The following CIITA variants were observed in gnomAD, a reference collection of about 807,000 sequenced individuals.
CIITA encodes the protein class II major histocompatibility complex transactivator, also known as MHC class II transactivator.
Under a neutral mutation model 115.1 loss-of-function variants are expected in CIITA, and 72 were observed. The ratio of observed to expected loss-of-function variants is 0.63; its 90% confidence interval spans 0.52 to 0.76. The LOEUF is 0.76. CIITA is among the 30% of genes least tolerant of loss of function. The pLI is 0.00. For missense variants in CIITA, 1,617 were observed against 1,463.8 expected, an observed-to-expected ratio of 1.10 and a Z score of -1.71; for synonymous variants, 763 against 635.6, an observed-to-expected ratio of 1.20 and a Z score of -3.02.
chr16:10,924,703 G>C lies in CIITA; in HGVS notation c.*848G>C, dbSNP rs937080612. Reference sequence around the variant, plus strand: ...CTATGGGACTCAATGCACTGACATTGTTGGCCAAAGCCAAAGCTAGGCCTG... The same window carrying C: ...CTATGGGACTCAATGCACTGACATTCTTGGCCAAAGCCAAAGCTAGGCCTG... On this transcript the variant is annotated 3_prime_UTR_variant, in exon 20 of 20. Transcript: ENST00000324288. 1.3e-5 allele frequency: 2 copies of C among 152,272 alleles called. No homozygotes were observed. The highest frequency in any genetic ancestry group is 4.8e-5 in the African/African-American group (2 of 41,472). The allele number at this position is 152,272 out of a possible 1,614,324, so 9.4% of individuals were successfully genotyped here.
intron 12 of CIITA, among the ~76,000 whole-genome samples, 194 bp downstream of exon 12, chr16:10,909,381 CTT>C (rs1484372552): frequency 6.6e-6 from 1 of 152,244 alleles, no homozygotes; most frequent in Non-Finnish European, 1.5e-5. Flanking sequence ...GAATTGAAAA[CTT>C]TGCTGCATTC....
At chr16:10,919,567 G>A (rs1166574369) in intron 16 of CIITA, among the ~76,000 whole-genome samples, 6 of 151,906 alleles carry the variant, frequency 3.9e-5, no homozygotes, top group Admixed American at 1.3e-4. Context: ...GTAGTGCAGG[G>A]GTGCAATGAT....
In CIITA at chr16:10,906,868, CG is replaced by C; in HGVS notation, c.1381del (p.Asp461MetfsTer28). On this transcript the variant is annotated frameshift_variant, in exon 11 of 20. Coordinates refer to ENST00000324288, the MANE Select transcript of CIITA (RefSeq NM_000246.4). LOFTEE classifies it high-confidence loss of function. ...FSVPCHCLNR[P>X]GDAYGLQDLL... is the part of the protein sequence containing the mutation. ...GTCCCCTGCCATTGCTTGAACCGTC[CG>C]GGGGATGCCTATGGCCTGCAGGATC... 6.2e-7 allele frequency: 1 copy of C among 1,613,500 alleles called. No individual in the cohort carries two copies.
intron 14 of CIITA, among the ~76,000 whole-genome samples, chr16:10,915,934 A>G (rs537886233): frequency 6.6e-6 from 1 of 152,286 alleles, no homozygotes; most frequent in African/African-American, 2.4e-5. Context: ...GAGTGATGAG[A>G]TGACGCCACA....
rs76821690 is a variant in CIITA at position 10,879,738 on chromosome 16, C to G, written c.52+2356C>G. Among the ~76,000 whole-genome samples, 170 of 152,284 alleles carry G rather than the reference C, an allele frequency of 1.1e-3. 1 individual carries two copies. The highest frequency in any genetic ancestry group is 3.9e-3 in the African/African-American group (162 of 41,556). ...CACCCTCTAAGGAGAGAGGCTAAAGCGCCCCGGAAAGCCAGCGTGCGAATG... is the reference window on the plus strand; with the variant it reads ...CACCCTCTAAGGAGAGAGGCTAAAGGGCCCCGGAAAGCCAGCGTGCGAATG... On this transcript the variant is annotated intron_variant, in intron 1 of 19. Transcript: ENST00000324288. The surrounding 1 kb of genome is among the most constrained non-coding windows in gnomAD (Gnocchi z 4.3).
chr16:10,914,581 A>G (rs1017077963), intron 13 of CIITA, among the ~76,000 whole-genome samples: 2 of 152,206 alleles, frequency 1.3e-5, no homozygotes, highest in African/African-American at 4.8e-5. Context: ...TTTATATGGA[A>G]TGCATTTAAC....
At position 10,923,179 on chromosome 16, in the gene CIITA, GCCGCCCTCTCTCCTCTAA is replaced by G. The variant is rs1487103529; in HGVS notation, c.3318-46_3318-29del. ...GGGGCAGCTGTCACTGGGGCCCCAG[GCCGCCCTCTCTCCTCTAA>G]CCTGGCTCTGAGTCCCATCCCCCCT... is the stretch of plus-strand genomic sequence containing the variant. On this transcript the variant is annotated intron_variant, in intron 18 of 19. Coordinates refer to ENST00000324288, the MANE Select transcript of CIITA (RefSeq NM_000246.4). This position sits in a 1 kb window ranked among gnomAD's most constrained non-coding sequence, Gnocchi z 5.2. The G allele has an allele frequency of 3.2e-6, 5 of 1,575,074 alleles. No homozygotes were observed. The African/African-American group carries it at 5.4e-5, about 17-fold the overall frequency.
Position 10,909,160 on chromosome 16 carries a change from A to T in CIITA, c.2789A>T (p.Asp930Val), listed in dbSNP as rs1254628679. Residue 930 changes from aspartate (D) to valine (V), a missense_variant, in exon 12 of 20, where the codon GAC (aspartate) becomes GTC (valine). By Grantham distance (152) the Asp-to-Val change is radical. Transcript: ENST00000324288. ...GCCAAGTCCCTGAAGGATGTGGAAG[A>T]CCTGGGAAAGCTTGTGCAGACTCAG... is the stretch of plus-strand genomic sequence containing the variant. Reference protein sequence around the residue: ...FKAKSLKDVEDLGKLVQTQRT... With the variant: ...FKAKSLKDVEVLGKLVQTQRT... The T allele has an allele frequency of 6.2e-6, 10 of 1,614,194 alleles. No homozygotes were observed. The highest frequency in any genetic ancestry group is 6.8e-6 in the Non-Finnish European group (8 of 1,180,030).
intron 13 of CIITA, chr16:10,915,154 G>A (rs555165038): frequency 5.6e-4 from 232 of 417,102 alleles, no homozygotes; most frequent in African/African-American, 4.2e-3. Flanking sequence ...GGGCTCAAGC[G>A]ATGCTTCCAC....
chr16:10,875,104 C>T (rs978895715), upstream of CIITA, among the ~76,000 whole-genome samples: 2 of 151,922 alleles, frequency 1.3e-5, no homozygotes, highest in African/African-American at 4.8e-5. Context: ...GAGTAGCACA[C>T]GCACCATCAC....
upstream of CIITA, among the ~76,000 whole-genome samples, chr16:10,876,034 C>T (rs368265425): frequency 5.1e-4 from 77 of 152,068 alleles, 2 homozygotes; most frequent in South Asian, 2.9e-3. Context: ...CCTGTAATCC[C>T]AGCTGCTCGG....
intron 3 of CIITA, among the ~76,000 whole-genome samples, chr16:10,896,116 C>T (rs890869434): frequency 3.3e-5 from 5 of 152,198 alleles, no homozygotes; most frequent in African/African-American, 1.2e-4. Flanking sequence ...GCTCCTTAGC[C>T]AAGCTACTCT....
Position 10,916,607 on chromosome 16 carries a change from C to T in CIITA, c.3062+148C>T. 4.1e-6 allele frequency: 3 copies of T among 723,556 alleles called. No individual in the cohort carries two copies. In the South Asian group the frequency reaches 4.6e-5, roughly 11 times the overall value. The allele number at this position is 723,556 out of a possible 1,614,324, so 44.8% of individuals were successfully genotyped here. On this transcript the variant is annotated intron_variant, in intron 15 of 19. Transcript: ENST00000324288. ...TAGTGCTATGATCATACCTCTGCAG[C>T]CTTGAACTCCTGGCCTCAAGGAATC... is the stretch of plus-strand genomic sequence containing the variant.
At chr16:10,871,320 G>A (rs1322487688) in intron 1 of CIITA, among the ~76,000 whole-genome samples, 1 of 152,174 alleles carries the variant, frequency 6.6e-6, no homozygotes, top group Non-Finnish European at 1.5e-5. Flanking sequence ...GACTGTAAGT[G>A]GGGGCAACCT....
intron 5 of CIITA, among the ~76,000 whole-genome samples, chr16:10,900,880 C>A (rs759143016): frequency 4.6e-5 from 7 of 152,154 alleles, no homozygotes; most frequent in Non-Finnish European, 1.0e-4. Context: ...ATTCATCTGT[C>A]CATCCCTCTA....
chr16:10,935,988 AT>A lies in CIITA; in HGVS notation c.*12147del, dbSNP rs36044639. The A allele has an allele frequency of 0.027, 3,961 of 145,816 alleles. 135 individuals are homozygous for A. Among genetic ancestry groups the A allele is most frequent in the African/African-American group, 0.093 (3,671 of 39,480 alleles). The allele number at this position is 145,816 out of a possible 1,614,324, so 9.0% of individuals were successfully genotyped here. On this transcript the variant is annotated 3_prime_UTR_variant, in exon 20 of 20. Transcript: ENST00000324288. ...ATTGTTAAGGGACACTACTGGGACA[AT>A]TTTTTTTTTTTTTCGTTTTGAGACA...
chr16:10,886,657 C>T (rs1361658036), intron 1 of CIITA, among the ~76,000 whole-genome samples: 1 of 152,226 alleles, frequency 6.6e-6, no homozygotes, highest in East Asian at 1.9e-4. Flanking sequence ...TGTACAGTAT[C>T]AAGTGTCACT....
In CIITA at chr16:10,931,783, C is replaced by G. The variant is rs988450746; in HGVS notation, c.*7928C>G. 1 of 152,194 alleles carries G rather than the reference C, an allele frequency of 6.6e-6. No homozygotes were observed. Among genetic ancestry groups the G allele is most frequent in the African/African-American group, 2.4e-5 (1 of 41,418 alleles). 9.4% of individuals were successfully genotyped at this position (152,194 alleles called of 1,614,324 possible). A position where few individuals can be genotyped will look rare whatever the true frequency, so the allele number is the denominator to read the frequency against. On this transcript the variant is annotated 3_prime_UTR_variant, in exon 20 of 20. Coordinates refer to ENST00000324288, the MANE Select transcript of CIITA (RefSeq NM_000246.4). ...GCAGGTGCCTGAGGTCCCAGCTACT[C>G]GGGAGGCTGAGGCAGAAGAATCGCT...
chr16:10,898,503 T>C (rs1038777460), intron 3 of CIITA, among the ~76,000 whole-genome samples, 167 bp from the exon 4 acceptor site: 1 of 151,128 alleles, frequency 6.6e-6, no homozygotes, highest in South Asian at 2.1e-4. Context: ...TAAGGGCCCC[T>C]GGAGTGTCAG....
Sources: allele counts gnomAD v4.1 joint callset (sites outside exome capture counted in the v4.1 genomes callset), GRCh38; gene constraint gnomAD v4.1.1; non-coding constraint Gnocchi (gnomAD v3.1); transcripts MANE v1.5; gene names NCBI Gene and HGNC (gene_info 2026-07-23, HGNC 2026-07-21).